The following PDIA5 variants were observed in gnomAD, a reference collection of about 807,000 sequenced individuals.
PDIA5 encodes protein disulfide-isomerase A5.
A neutral mutation model predicts 77.6 loss-of-function variants in PDIA5; 58 were observed. The ratio of observed to expected loss-of-function variants is 0.75; its 90% confidence interval spans 0.61 to 0.93. The LOEUF is 0.93. Among genes scored for constraint, PDIA5 ranks in the 40% least tolerant of loss-of-function variants. The pLI, the probability that PDIA5 is intolerant of heterozygous loss-of-function variation, is 0.00. For synonymous variants in PDIA5, 250 were observed against 252.1 expected (o/e 0.99, Z 0.08); for missense variants, 630 against 647.7 (o/e 0.97, Z 0.30).
At chr3:123,121,622 T>C (rs1935122337) in intron 8 of PDIA5, among the ~76,000 whole-genome samples, 1 of 152,092 alleles carries the variant, frequency 6.6e-6, no homozygotes, top group South Asian at 2.1e-4. Context: ...CCTTAAGGGA[T>C]GGGTGAGTCT....
At chr3:123,129,088 G>C (rs1030763837) in intron 10 of PDIA5, among the ~76,000 whole-genome samples, 1 of 152,104 alleles carries the variant, frequency 6.6e-6, no homozygotes, top group Non-Finnish European at 1.5e-5. Flanking sequence ...AATGCCTTCA[G>C]ATGCACATAA....
At chr3:123,152,179 G>A (rs775521873) in intron 14 of PDIA5, among the ~76,000 whole-genome samples, 2 of 150,676 alleles carry the variant, frequency 1.3e-5, no homozygotes, top group African/African-American at 2.4e-5. Context: ...CTGCCTTCCC[G>A]CCTGCCTTCC....
chr3:123,102,481 T>G lies in PDIA5; in HGVS notation c.328T>G (p.Leu110Val). ...DLSPKDKKVE[L>V]FHYQDGAFHT... ...GAGCCCGAAGGACAAAAAGGTTGAATTATTCCATTACCAGTAAGTACACAT... is the reference window on the plus strand; with the variant it reads ...GAGCCCGAAGGACAAAAAGGTTGAAGTATTCCATTACCAGTAAGTACACAT... Residue 110 changes from leucine to valine, a missense_variant, in exon 4 of 17, where the codon TTA becomes GTA. Leu to Val is a conservative substitution (Grantham distance 32). Coordinates refer to ENST00000316218, the MANE Select transcript of PDIA5 (RefSeq NM_006810.4). 1 of 1,613,108 alleles carries G rather than the reference T, an allele frequency of 6.2e-7. No homozygotes were observed. Among genetic ancestry groups the G allele is most frequent in the South Asian group, 1.1e-5 (1 of 91,060 alleles).
chr3:123,131,630 A>G (rs1439105283), intron 11 of PDIA5, among the ~76,000 whole-genome samples: 1 of 147,972 alleles, frequency 6.8e-6, no homozygotes, highest in African/African-American at 2.5e-5. Flanking sequence ...GCTTCACCTC[A>G]TTGCATTCTC....
intron 6 of PDIA5, among the ~76,000 whole-genome samples, 185 bp downstream of exon 6, chr3:123,107,026 G>T (rs764041369): frequency 5.9e-5 from 9 of 152,194 alleles, no homozygotes; most frequent in Non-Finnish European, 1.0e-4. Context: ...GTTGTAACCA[G>T]CGGTGATCAC....
chr3:123,085,099 C>T (rs895275900), intron 1 of PDIA5, among the ~76,000 whole-genome samples: 1 of 152,226 alleles, frequency 6.6e-6, no homozygotes, highest in Non-Finnish European at 1.5e-5. Flanking sequence ...CCCTTCTGGG[C>T]CTCCCAAGGG....
At chr3:123,120,823 T>C (rs897455085) in intron 8 of PDIA5, among the ~76,000 whole-genome samples, 6 of 151,946 alleles carry the variant, frequency 3.9e-5, no homozygotes, top group African/African-American at 1.4e-4. Flanking sequence ...CTCTCTTTAC[T>C]GAGGCATCAT....
In PDIA5 at chr3:123,162,004, C is replaced by T; in HGVS notation, c.*44C>T. 1 of 1,124,822 alleles carries T rather than the reference C, an allele frequency of 8.9e-7. No homozygotes were observed. The highest frequency in any genetic ancestry group is 1.3e-6 in the Non-Finnish European group (1 of 749,502). 69.7% of individuals were successfully genotyped at this position (1,124,822 alleles called of 1,614,324 possible). ...CTTTTCCATTACACTGTGAATGATA[C>T]CTGTTTTGTTGTTTCTGAATTTCCA... On this transcript the variant is annotated 3_prime_UTR_variant, in exon 17 of 17. Transcript: ENST00000316218.
chr3:123,069,448 A>G (rs1933669028), intron 1 of PDIA5, among the ~76,000 whole-genome samples: 1 of 152,228 alleles, frequency 6.6e-6, no homozygotes, highest in Admixed American at 6.5e-5. Context: ...AGTGATATTT[A>G]TCTTTTTCAG....
chr3:123,115,198 T>C (rs1934967238), intron 7 of PDIA5, among the ~76,000 whole-genome samples: 1 of 152,210 alleles, frequency 6.6e-6, no homozygotes, highest in Non-Finnish European at 1.5e-5. Flanking sequence ...AAGCCCTGTT[T>C]TGTAGCAGAG....
chr3:123,069,355 C>A (rs1933667208), intron 1 of PDIA5, among the ~76,000 whole-genome samples: 1 of 152,160 alleles, frequency 6.6e-6, no homozygotes, highest in Non-Finnish European at 1.5e-5. Context: ...ACATTTTTTA[C>A]AATAGCAAAA....
chr3:123,112,194 C>T lies in PDIA5; in HGVS notation c.541+1190C>T, dbSNP rs1433443311. Among the ~76,000 whole-genome samples the T allele has an allele frequency of 2.0e-5, 3 of 152,340 alleles. No homozygotes were observed. The East Asian group carries it at 5.8e-4, about 29-fold the overall frequency. On this transcript the variant is annotated intron_variant, in intron 7 of 16. Transcript: ENST00000316218. ...GCCCTTTGTGCTGCACCTCTGTGAG[C>T]TGCATCGGCCCTTCACGAAGCCAGC...
chr3:123,082,573 G>A (rs1045039788), intron 1 of PDIA5, among the ~76,000 whole-genome samples: 4 of 152,126 alleles, frequency 2.6e-5, no homozygotes, highest in African/African-American at 4.8e-5. Flanking sequence ...ATGTGTGTAC[G>A]TGTTCGCTCC....
intron 1 of PDIA5, among the ~76,000 whole-genome samples, chr3:123,086,046 G>C (rs1207951119): frequency 1.3e-5 from 2 of 152,178 alleles, no homozygotes; most frequent in African/African-American, 4.8e-5. Context: ...GCTCTGCAGG[G>C]TGTGATGAGG....
At position 123,111,001 on chromosome 3, in the gene PDIA5, C is replaced by G; in HGVS notation, c.538C>G (p.Pro180Ala). Residue 180 changes from proline (P) to alanine (A), a missense_variant, in exon 7 of 17, where the codon CCC becomes GCC. Pro to Ala is a conservative substitution (Grantham distance 27). Coordinates refer to ENST00000316218, the MANE Select transcript of PDIA5 (RefSeq NM_006810.4). Reference sequence around the variant, plus strand: ...GCCGCTCCTGATCATGTTTTATGCCCCCTGTGAGTGAACTTTCTCCCTTGG... The same window carrying G: ...GCCGCTCCTGATCATGTTTTATGCCGCCTGTGAGTGAACTTTCTCCCTTGG... ...EKPLLIMFYA[P>A]WCSMCKRMMP... The G allele has an allele frequency of 6.2e-7, 1 of 1,613,088 alleles. No individual in the cohort carries two copies. Among genetic ancestry groups the G allele is most frequent in the Middle Eastern group, 1.7e-4 (1 of 6,054 alleles).
intron 6 of PDIA5, among the ~76,000 whole-genome samples, chr3:123,108,559 C>T (rs1458307971): frequency 2.1e-5 from 3 of 144,686 alleles, no homozygotes; most frequent in African/African-American, 7.5e-5. Context: ...AGATTACAGG[C>T]GTGAGCCACT....
chr3:123,147,065 C>T (rs1935791608), intron 13 of PDIA5, among the ~76,000 whole-genome samples: 1 of 152,174 alleles, frequency 6.6e-6, no homozygotes, highest in South Asian at 2.1e-4. Flanking sequence ...CCCGCCTCAG[C>T]CTCCCAAAGT....
intron 7 of PDIA5, among the ~76,000 whole-genome samples, chr3:123,115,730 T>C (rs1367744076): frequency 1.3e-5 from 2 of 152,260 alleles, no homozygotes; most frequent in African/African-American, 4.8e-5. Flanking sequence ...ATTATCCTTG[T>C]TAATGAAAGA....
At chr3:123,100,827 G>A (rs532972355) in intron 3 of PDIA5, among the ~76,000 whole-genome samples, 1 of 152,382 alleles carries the variant, frequency 6.6e-6, no homozygotes, top group South Asian at 2.1e-4. Context: ...CTGGTGCACA[G>A]CTGTGTGAAG....
Sources: allele counts gnomAD v4.1 joint callset (sites outside exome capture counted in the v4.1 genomes callset), GRCh38; gene constraint gnomAD v4.1.1; transcripts MANE v1.5; gene names NCBI Gene and HGNC (gene_info 2026-07-23, HGNC 2026-07-21).